Variants in FAM78B observed in about 807,000 individuals in gnomAD.
FAM78B encodes family with sequence similarity 78 member B.
FAM78B carries 10 observed loss-of-function variants against 20.0 expected under a neutral mutation model. The observed-to-expected ratio is 0.50, with a 90% CI of 0.31 to 0.85. The LOEUF is 0.85. FAM78B is among the 40% of genes least tolerant of loss of function. The probability of loss-of-function intolerance (pLI) is 0.05; values close to 1 mark genes in which losing one functional copy is unlikely to be tolerated. For missense variants in FAM78B, 283 were observed against 345.0 expected (o/e 0.82, Z 1.42); for synonymous variants, 135 against 132.8 (o/e 1.02, Z -0.12).
intron 1 of FAM78B, among the ~76,000 whole-genome samples, chr1:166,115,094 G>T (rs1012017551): frequency 6.6e-6 from 1 of 152,166 alleles, no homozygotes; most frequent in Non-Finnish European, 1.5e-5. Flanking sequence ...AAACAGCATG[G>T]TTTGTTCGTT....
downstream of FAM78B, among the ~76,000 whole-genome samples, chr1:166,056,362 C>T (rs566880888): frequency 2.0e-5 from 3 of 152,142 alleles, no homozygotes; most frequent in South Asian, 6.2e-4. Context: ...AAACTGTGGA[C>T]CCCACAGAAG....
intron 2 of FAM78B, among the ~76,000 whole-genome samples, chr1:166,061,228 A>C (rs1324337969): frequency 1.3e-5 from 2 of 152,252 alleles, no homozygotes; most frequent in Non-Finnish European, 2.9e-5. Context: ...AGTTGTGGCC[A>C]TAACAAAGTG....
At chr1:166,081,366 T>C (rs1652566811) in intron 1 of FAM78B, 1 of 152,046 alleles carries the variant, frequency 6.6e-6, no homozygotes, top group Non-Finnish European at 1.5e-5. Context: ...GTTCTCAGAG[T>C]CCTCTGCTGA....
chr1:166,105,872 T>G (rs1367257912), intron 1 of FAM78B, among the ~76,000 whole-genome samples: 1 of 151,544 alleles, frequency 6.6e-6, no homozygotes, highest in South Asian at 2.1e-4. Context: ...ACCCAAAGGA[T>G]TATAAATCAT....
intron 1 of FAM78B, chr1:166,148,109 T>C (rs1352530050): frequency 1.3e-5 from 2 of 152,170 alleles, no homozygotes; most frequent in East Asian, 1.9e-4. Flanking sequence ...TAGAAACCCA[T>C]GTAGAAACAG....
At chr1:166,107,578 T>C (rs1424434713) in intron 1 of FAM78B, among the ~76,000 whole-genome samples, 3 of 152,128 alleles carry the variant, frequency 2.0e-5, no homozygotes, top group Non-Finnish European at 4.4e-5. Flanking sequence ...CAAAGAAGCA[T>C]TGGTACCAGT....
intron 1 of FAM78B, among the ~76,000 whole-genome samples, chr1:166,118,204 T>C (rs894841862): frequency 6.6e-6 from 1 of 152,180 alleles, no homozygotes; most frequent in Non-Finnish European, 1.5e-5. Context: ...ATGGAGTGGG[T>C]TGCCTCCTTA....
At chr1:166,152,655 GATTT>G (rs59226484) in intron 1 of FAM78B, among the ~76,000 whole-genome samples, 9,486 of 140,424 alleles carry the variant, frequency 0.068, 420 homozygotes, top group African/African-American at 0.14. Context: ...TGGTACTCTG[GATTT>G]ATTTATTTAT....
chr1:166,109,856 ATATATGTATGTG>A (rs1557903216), intron 1 of FAM78B, among the ~76,000 whole-genome samples: 9 of 19,358 alleles, frequency 4.6e-4, no homozygotes, highest in Non-Finnish European at 6.7e-4. Context: ...ATATATATAT[ATATATGTATGTG>A]TATATATATA....
chr1:166,162,773 C>G (rs1656198473), intron 1 of FAM78B, among the ~76,000 whole-genome samples: 1 of 152,082 alleles, frequency 6.6e-6, no homozygotes, highest in Admixed American at 6.6e-5. Context: ...CCTTTCAAAC[C>G]TCATCTCCTA....
Position 166,156,446 on chromosome 1 carries a change from T to C in FAM78B, c.263+9540A>G, listed in dbSNP as rs114812286. 2.9e-3 allele frequency among the ~76,000 whole-genome samples: 440 copies of C among 152,178 alleles called. 3 individuals are homozygous for C. The highest frequency in any genetic ancestry group is 1.0e-2 in the African/African-American group (415 of 41,534). ...CTTGGTTGGCTGATCATGGACTCAG[T>C]ATGGAGGGCACTGGGAGAGGAGGTG... is the stretch of plus-strand genomic sequence containing the variant. On this transcript the variant is annotated intron_variant, in intron 1 of 1. Coordinates refer to ENST00000354422, the MANE Select transcript of FAM78B (RefSeq NM_001017961.5).
intron 1 of FAM78B, among the ~76,000 whole-genome samples, chr1:166,110,921 C>T (rs188641779): frequency 1.1e-4 from 17 of 152,272 alleles, no homozygotes; most frequent in Admixed American, 1.0e-3. Context: ...AAAGTCTGTG[C>T]CCCTATAAAT....
chr1:166,104,762 G>A (rs1485541443), intron 1 of FAM78B, among the ~76,000 whole-genome samples: 1 of 152,172 alleles, frequency 6.6e-6, no homozygotes, highest in Non-Finnish European at 1.5e-5. Context: ...TCAACATCGT[G>A]AAAATGGCCA....
chr1:166,138,991 T>C (rs1216568825), intron 1 of FAM78B, among the ~76,000 whole-genome samples: 1 of 152,232 alleles, frequency 6.6e-6, no homozygotes, highest in Non-Finnish European at 1.5e-5. Context: ...GTTCCCTGAG[T>C]TGTCTCCCTC....
chr1:166,095,132 G>T (rs1336154319), intron 1 of FAM78B, among the ~76,000 whole-genome samples: 1 of 152,156 alleles, frequency 6.6e-6, no homozygotes, highest in Non-Finnish European at 1.5e-5. Flanking sequence ...CCTTGCAGAA[G>T]CAAGTCTGCT....
In FAM78B at chr1:166,069,468, A is replaced by G. The variant is rs949082777; in HGVS notation, c.*773T>C. The G allele has an allele frequency of 2.6e-5, 4 of 152,232 alleles. No individual in the cohort carries two copies. The highest frequency in any genetic ancestry group is 6.5e-5 in the Admixed American group (1 of 15,282). 9.4% of individuals were successfully genotyped at this position (152,232 alleles called of 1,614,324 possible). A position where few individuals can be genotyped will look rare whatever the true frequency, so the allele number is the denominator to read the frequency against. ...CACTAAAACATGGACAGGGCCCCAAATATCATAACTATTGCAGAATGTGGG... is the reference window on the plus strand; with the variant it reads ...CACTAAAACATGGACAGGGCCCCAAGTATCATAACTATTGCAGAATGTGGG... On this transcript the variant is annotated 3_prime_UTR_variant, in exon 2 of 2. Transcript: ENST00000354422.
chr1:166,166,255 G>A lies in FAM78B; in HGVS notation c.-7C>T. Reference sequence around the variant, plus strand: ...TGCTTTGGATACAGCCCATCCTGCAGCCCGGTGCCGGCACGGCGCGGCGTG... The same window carrying A: ...TGCTTTGGATACAGCCCATCCTGCAACCCGGTGCCGGCACGGCGCGGCGTG... On this transcript the variant is annotated 5_prime_UTR_variant, in exon 1 of 2. Transcript: ENST00000354422. The A allele has an allele frequency of 7.1e-7, 1 of 1,399,754 alleles. No individual in the cohort carries two copies. The highest frequency in any genetic ancestry group is 9.4e-7 in the Non-Finnish European group (1 of 1,069,446). The allele number at this position is 1,399,754 out of a possible 1,614,324, so 86.7% of individuals were successfully genotyped here.
chr1:166,155,469 A>C (rs1655858131), intron 1 of FAM78B, among the ~76,000 whole-genome samples: 1 of 152,208 alleles, frequency 6.6e-6, no homozygotes, highest in Non-Finnish European at 1.5e-5. Context: ...TGTTATCATC[A>C]TCAAGTTGAG....
At chr1:166,111,179 C>T (rs973888589) in intron 1 of FAM78B, among the ~76,000 whole-genome samples, 6 of 152,204 alleles carry the variant, frequency 3.9e-5, no homozygotes. Flanking sequence ...CTGGGTCAAG[C>T]AACCATGATG....
Sources: allele counts gnomAD v4.1 joint callset (sites outside exome capture counted in the v4.1 genomes callset), GRCh38; gene constraint gnomAD v4.1.1; transcripts MANE v1.5; gene names NCBI Gene and HGNC (gene_info 2026-07-23, HGNC 2026-07-21).